AGK: variants seen among roughly 807,000 people sequenced by gnomAD.
The protein encoded by AGK is acylglycerol kinase, mitochondrial.
A neutral mutation model predicts 66.4 loss-of-function variants in AGK; 52 were observed. That is an observed-to-expected ratio of 0.78 (90% CI 0.63 to 0.99). The LOEUF (loss-of-function observed/expected upper bound fraction) is 0.99, where lower values mean the gene tolerates loss of function less well. Among genes scored for constraint, AGK ranks in the 50% least tolerant of loss-of-function variants. The pLI is 0.00. For missense variants in AGK, 451 were observed against 506.6 expected (o/e 0.89, Z 1.05); for synonymous variants, 182 against 181.1 (o/e 1.00, Z -0.04).
intron 8 of AGK, among the ~76,000 whole-genome samples, chr7:141,619,390 A>G (rs1796776280): frequency 6.6e-6 from 1 of 152,126 alleles, no homozygotes; most frequent in Non-Finnish European, 1.5e-5. Context: ...CCACACACAT[A>G]TGGACAATTG....
chr7:141,610,053 C>G (rs1437546633), intron 5 of AGK, among the ~76,000 whole-genome samples: 3 of 151,728 alleles, frequency 2.0e-5, no homozygotes, highest in Non-Finnish European at 4.4e-5. Context: ...ACTGCAACCT[C>G]CACCTCCCAG....
At chr7:141,606,811 C>A (rs1796469498) in intron 5 of AGK, among the ~76,000 whole-genome samples, 1 of 152,082 alleles carries the variant, frequency 6.6e-6, no homozygotes, top group African/African-American at 2.4e-5. Context: ...CCTAAAAATC[C>A]TCTCTGTTCT....
At chr7:141,612,194 G>A (rs1452706576) in intron 6 of AGK, among the ~76,000 whole-genome samples, 1 of 152,178 alleles carries the variant, frequency 6.6e-6, no homozygotes, top group Non-Finnish European at 1.5e-5. Flanking sequence ...AAACCTAAAT[G>A]TATGTTACTA....
intron 10 of AGK, among the ~76,000 whole-genome samples, chr7:141,634,674 T>G (rs1266291317): frequency 6.6e-6 from 1 of 152,206 alleles, no homozygotes; most frequent in African/African-American, 2.4e-5. Flanking sequence ...GGGGACACCA[T>G]GTGAGATTCG....
chr7:141,626,079 A>G (rs1796932681), intron 9 of AGK, among the ~76,000 whole-genome samples: 1 of 152,218 alleles, frequency 6.6e-6, no homozygotes, highest in Non-Finnish European at 1.5e-5. Context: ...GGTTTGAAAT[A>G]CCATTCCCAA....
intron 14 of AGK, chr7:141,650,439 C>A (rs546075568): frequency 2.2e-6 from 2 of 896,208 alleles, no homozygotes; most frequent in Non-Finnish European, 2.7e-6. Flanking sequence ...ATTGTTAGCA[C>A]CAGTGGCAGC....
At chr7:141,564,996 G>A (rs1227424638) in intron 2 of AGK, among the ~76,000 whole-genome samples, 1 of 152,028 alleles carries the variant, frequency 6.6e-6, no homozygotes, top group Non-Finnish European at 1.5e-5. Context: ...CAAAGGGCCG[G>A]GATTAAGGTG....
intron 2 of AGK, among the ~76,000 whole-genome samples, chr7:141,584,276 A>C (rs1216755114): frequency 2.0e-5 from 3 of 152,118 alleles, no homozygotes; most frequent in Non-Finnish European, 4.4e-5. Flanking sequence ...CTTTTGAGCC[A>C]AGATGAGCCA....
intron 13 of AGK, among the ~76,000 whole-genome samples, chr7:141,644,458 G>A (rs1050594451): frequency 4.6e-5 from 7 of 152,190 alleles, no homozygotes; most frequent in Admixed American, 3.9e-4. Flanking sequence ...CAGTGTAGCT[G>A]CCGTGTAATA....
chr7:141,610,742 A>T (rs915581374), intron 5 of AGK, among the ~76,000 whole-genome samples: 4 of 152,190 alleles, frequency 2.6e-5, no homozygotes, highest in African/African-American at 7.2e-5. Context: ...TAAGATCCAT[A>T]GAATTTAAGG....
intron 2 of AGK, among the ~76,000 whole-genome samples, chr7:141,569,268 G>T (rs1417334416): frequency 2.0e-5 from 3 of 152,144 alleles, no homozygotes; most frequent in Non-Finnish European, 2.9e-5. Context: ...GGGCGTGGTG[G>T]CTCACACCTA....
intron 11 of AGK, among the ~76,000 whole-genome samples, chr7:141,641,023 A>G (rs1797275800): frequency 6.6e-6 from 1 of 152,144 alleles, no homozygotes; most frequent in South Asian, 2.1e-4. Flanking sequence ...AGGGGGAGCA[A>G]TGGAGGCAGT....
intron 9 of AGK, among the ~76,000 whole-genome samples, chr7:141,629,039 G>T (rs1450264991): frequency 6.6e-6 from 1 of 152,074 alleles, no homozygotes; most frequent in Non-Finnish European, 1.5e-5. Context: ...TTCCCTATTT[G>T]CCATTCCTGG....
rs138667275 is a variant in AGK, at chr7:141,654,875, G to C, written c.*1951G>C. 4 of 152,180 alleles carry C rather than the reference G, an allele frequency of 2.6e-5. No individual in the cohort carries two copies. The highest frequency in any genetic ancestry group is 2.6e-4 in the Admixed American group (4 of 15,278). 9.4% of individuals were successfully genotyped at this position (152,180 alleles called of 1,614,324 possible). A position where few individuals can be genotyped will look rare whatever the true frequency, so the allele number is the denominator to read the frequency against. On this transcript the variant is annotated 3_prime_UTR_variant, in exon 16 of 16. Coordinates refer to ENST00000649286, the MANE Select transcript of AGK (RefSeq NM_018238.4). The stretch of plus-strand genomic sequence containing the variant: ...ATGAATGAAGATCACAAAAAGGAAG[G>C]CTTTCTTATTTCATACTGTATTCTT...
intron 8 of AGK, among the ~76,000 whole-genome samples, chr7:141,617,357 T>G (rs1351441206): frequency 6.6e-6 from 1 of 152,198 alleles, no homozygotes; most frequent in Non-Finnish European, 1.5e-5. Flanking sequence ...GTTAAACTAC[T>G]ACTGTTGCTG....
At chr7:141,564,275 T>A (rs1389100763) in intron 2 of AGK, among the ~76,000 whole-genome samples, 1 of 152,246 alleles carries the variant, frequency 6.6e-6, no homozygotes, top group Non-Finnish European at 1.5e-5. Context: ...CTAATAAAGA[T>A]ACCTGAGACT....
At chr7:141,583,404 G>A (rs770868254) in intron 2 of AGK, among the ~76,000 whole-genome samples, 135 of 147,868 alleles carry the variant, frequency 9.1e-4, no homozygotes, top group Admixed American at 3.1e-3. Flanking sequence ...AGAGAGGGTA[G>A]AGACACGGAG....
At chr7:141,616,567 T>G (rs1796704526) in intron 8 of AGK, among the ~76,000 whole-genome samples, 1 of 152,100 alleles carries the variant, frequency 6.6e-6, no homozygotes, top group South Asian at 2.1e-4. Flanking sequence ...ATTCTATATT[T>G]TAATAAGCAT....
chr7:141,612,118 T>A (rs982638231), intron 6 of AGK, among the ~76,000 whole-genome samples: 1 of 152,194 alleles, frequency 6.6e-6, no homozygotes, highest in Non-Finnish European at 1.5e-5. Context: ...TGAGATATAT[T>A]CAGACAATAG....
Sources: gnomAD v4.1 joint callset for allele counts (sites outside exome capture counted in the v4.1 genomes callset) on GRCh38, gnomAD v4.1.1 for gene constraint, MANE v1.5 for transcripts, NCBI Gene and HGNC (gene_info 2026-07-23, HGNC 2026-07-21) for gene names.